The following TMEM132B variants were observed in gnomAD, a reference collection of about 807,000 sequenced individuals.
TMEM132B encodes the protein transmembrane protein 132B.
Under a neutral mutation model 90.8 loss-of-function variants are expected in TMEM132B, and 18 were observed. That is an observed-to-expected ratio of 0.20 (90% confidence interval 0.14 to 0.29). TMEM132B has a LOEUF of 0.29. Among genes scored for constraint, TMEM132B ranks in the 10% least tolerant of loss-of-function variants. TMEM132B has a pLI of 1.00. For missense variants in TMEM132B, 1,096 were observed against 1,326.8 expected (o/e 0.83, Z 2.70); for synonymous variants, 504 against 523.3 (o/e 0.96, Z 0.50).
chr12:125,551,603 T>A (rs115010684), intron 4 of TMEM132B, among the ~76,000 whole-genome samples: 2 of 149,872 alleles, frequency 1.3e-5, no homozygotes, highest in Non-Finnish European at 3.0e-5. Flanking sequence ...TTTTTTTTTT[T>A]AAACAAGATG....
At chr12:125,340,529 G>T (rs1037547087) in intron 1 of TMEM132B, among the ~76,000 whole-genome samples, 1 of 152,058 alleles carries the variant, frequency 6.6e-6, no homozygotes, top group African/African-American at 2.4e-5. Flanking sequence ...AGCATAACAT[G>T]GTGGTGGAAA....
intron 4 of TMEM132B, among the ~76,000 whole-genome samples, chr12:125,575,039 C>A (rs1262875023): frequency 1.8e-5 from 1 of 54,330 alleles, no homozygotes; most frequent in African/African-American, 5.0e-5. Flanking sequence ...CCAATGAAAT[C>A]CCAAACCTAT....
At chr12:125,356,321 A>C (rs1877773180) in intron 2 of TMEM132B, among the ~76,000 whole-genome samples, 1 of 152,158 alleles carries the variant, frequency 6.6e-6, no homozygotes, top group African/African-American at 2.4e-5. Flanking sequence ...AAAGTTACTT[A>C]ACTTCTCTGT....
chr12:125,440,299 C>T lies in TMEM132B; in HGVS notation c.1106+24622C>T, dbSNP rs535238031. The stretch of plus-strand genomic sequence containing the variant: ...GAGAAACACTCACACCATTTAATGT[C>T]TCTGCTGTCAAGAGACAGAATTAAA... On this transcript the variant is annotated intron_variant, in intron 3 of 8. Coordinates refer to ENST00000682704, the MANE Select transcript of TMEM132B (RefSeq NM_001366854.1). Among the ~76,000 whole-genome samples, 5 of 152,274 alleles carry T rather than the reference C, an allele frequency of 3.3e-5. No homozygotes were observed. In the East Asian group the frequency reaches 5.8e-4, roughly 18 times the overall value.
chr12:125,494,110 C>T (rs1326602531), intron 3 of TMEM132B, among the ~76,000 whole-genome samples: 24 of 141,866 alleles, frequency 1.7e-4, no homozygotes, highest in African/African-American at 5.6e-4. Context: ...GGCCGCATCC[C>T]TCCTCCCCCT....
At chr12:125,413,153 G>A (rs1052936068) in intron 2 of TMEM132B, among the ~76,000 whole-genome samples, 7 of 152,114 alleles carry the variant, frequency 4.6e-5, no homozygotes, top group Non-Finnish European at 8.8e-5. Flanking sequence ...GGGTGGTAAA[G>A]TTGGGGCTTT....
chr12:125,332,864 C>CAAAAAA (rs1876828691), intron 1 of TMEM132B, among the ~76,000 whole-genome samples: 2 of 151,656 alleles, frequency 1.3e-5, no homozygotes, highest in African/African-American at 2.4e-5. Flanking sequence ...AAACAAAAAA[C>CAAAAAA]CAAAAACAAG....
At chr12:125,200,516 G>A (rs1189001027) in intron 1 of TMEM132B, among the ~76,000 whole-genome samples, 1 of 152,170 alleles carries the variant, frequency 6.6e-6, no homozygotes, top group African/African-American at 2.4e-5. Flanking sequence ...GCAAGGTGTA[G>A]CTAGTGAATT....
intron 1 of TMEM132B, among the ~76,000 whole-genome samples, chr12:125,252,098 A>G (rs1394272094): frequency 2.6e-5 from 4 of 152,214 alleles, no homozygotes; most frequent in Admixed American, 6.5e-5. Flanking sequence ...ACCTAACGTG[A>G]TGGGATTGCC....
chr12:125,471,121 C>T (rs1030175136), intron 3 of TMEM132B, among the ~76,000 whole-genome samples: 2 of 152,238 alleles, frequency 1.3e-5, no homozygotes, highest in African/African-American at 4.8e-5. Flanking sequence ...CCTGGTGTCC[C>T]ATGAGCTCAA....
intron 5 of TMEM132B, among the ~76,000 whole-genome samples, chr12:125,643,079 G>A (rs1483701202): frequency 6.6e-6 from 1 of 152,180 alleles, no homozygotes; most frequent in African/African-American, 2.4e-5. Flanking sequence ...TTGGGCACGT[G>A]TGTCTGGGGC....
intron 1 of TMEM132B, among the ~76,000 whole-genome samples, chr12:125,273,127 T>A (rs1469721505): frequency 6.6e-6 from 1 of 152,226 alleles, no homozygotes; most frequent in African/African-American, 2.4e-5. Flanking sequence ...ACTACTTAGT[T>A]AAGAAAAATA....
chr12:125,305,187 C>T (rs1875927584), intron 1 of TMEM132B, among the ~76,000 whole-genome samples: 1 of 151,828 alleles, frequency 6.6e-6, no homozygotes, highest in Non-Finnish European at 1.5e-5. Context: ...TCAGGAGTGC[C>T]ATCATGGAGA....
At chr12:125,432,998 G>A (rs1002208035) in intron 3 of TMEM132B, among the ~76,000 whole-genome samples, 4 of 152,200 alleles carry the variant, frequency 2.6e-5, no homozygotes, top group Non-Finnish European at 5.9e-5. Context: ...GTGGGAACGA[G>A]AAGGAGGCCT....
chr12:125,307,037 T>C (rs574929072), intron 1 of TMEM132B, among the ~76,000 whole-genome samples: 31 of 152,348 alleles, frequency 2.0e-4, no homozygotes, highest in Admixed American at 1.8e-3. Context: ...TGCTCCTACC[T>C]CTTTAGACCT....
In TMEM132B at chr12:125,660,703, A is replaced by G. The variant is rs1333372719; in HGVS notation, c.*5993A>G. On this transcript the variant is annotated 3_prime_UTR_variant, in exon 9 of 9. Coordinates refer to ENST00000682704, the MANE Select transcript of TMEM132B (RefSeq NM_001366854.1). Reference sequence around the variant, plus strand: ...ATTATCTTCCCAGTCCAAGCAAGCAATAATGTTATCAACTTACAATATTGG... The same window carrying G: ...ATTATCTTCCCAGTCCAAGCAAGCAGTAATGTTATCAACTTACAATATTGG... 2 of 152,246 alleles carry G rather than the reference A, an allele frequency of 1.3e-5. No individual in the cohort carries two copies. Among genetic ancestry groups the G allele is most frequent in the African/African-American group, 4.8e-5 (2 of 41,470 alleles). 9.4% of individuals were successfully genotyped at this position (152,246 alleles called of 1,614,324 possible).
At chr12:125,570,032 G>T (rs1367826147) in intron 4 of TMEM132B, among the ~76,000 whole-genome samples, 1 of 151,920 alleles carries the variant, frequency 6.6e-6, no homozygotes, top group Non-Finnish European at 1.5e-5. Flanking sequence ...AGGGAAGGAA[G>T]TTTTCCAGAA....
intron 2 of TMEM132B, among the ~76,000 whole-genome samples, chr12:125,413,806 G>GTATT (rs1879928211): frequency 6.6e-6 from 1 of 152,210 alleles, no homozygotes; most frequent in African/African-American, 2.4e-5. Context: ...GTGAACATGA[G>GTATT]TGTACAAGTA....
intron 1 of TMEM132B, among the ~76,000 whole-genome samples, chr12:125,295,352 C>T (rs2136152246): frequency 6.6e-6 from 1 of 152,250 alleles, no homozygotes; most frequent in Middle Eastern, 3.4e-3. Context: ...CCTATGGCCA[C>T]TCACACAGGG....
Sources: allele counts gnomAD v4.1 joint callset (sites outside exome capture counted in the v4.1 genomes callset), GRCh38; gene constraint gnomAD v4.1.1; transcripts MANE v1.5; gene names NCBI Gene and HGNC (gene_info 2026-07-23, HGNC 2026-07-21).